Variants in KMT5C observed in about 807,000 individuals in gnomAD.
The protein encoded by KMT5C is histone-lysine N-methyltransferase KMT5C.
A neutral mutation model predicts 38.2 loss-of-function variants in KMT5C; 16 were observed. The observed-to-expected ratio is 0.42, with a 90% CI of 0.28 to 0.64. The LOEUF is 0.64. KMT5C is among the 30% of genes least tolerant of loss of function. KMT5C has a pLI of 0.23. For missense variants in KMT5C, 598 were observed against 665.1 expected, an observed-to-expected ratio of 0.90 and a Z score of 1.11; for synonymous variants, 291 against 279.0, an observed-to-expected ratio of 1.04 and a Z score of -0.43.
In KMT5C at chr19:55,346,296, C is replaced by T. The variant is rs1256472910; in HGVS notation, c.654C>T (p.Gly218=). The T allele has an allele frequency of 3.7e-6, 6 of 1,614,048 alleles. No homozygotes were observed. The highest frequency in any genetic ancestry group is 3.3e-5 in the South Asian group (3 of 91,084). ...GGGACGAGGTGACATGCTTCTACGG[C>T]GAGGGCTTCTTCGGCGAGAAGAATG... is the stretch of plus-strand genomic sequence containing the variant. ...EPGDEVTCFY[G]EGFFGEKNEH... The change falls in exon 7 of 9, where the codon GGC becomes GGT. Residue 218 remains glycine (G), a synonymous_variant. Transcript: ENST00000255613.
Position 55,346,990 on chromosome 19 carries a change from C to T in KMT5C, c.930C>T (p.Ser310=), listed in dbSNP as rs146887504. 632 of 1,204,892 alleles carry T rather than the reference C, an allele frequency of 5.2e-4. No individual in the cohort carries two copies. In the African/African-American group the frequency reaches 8.2e-3, roughly 16 times the overall value. 74.6% of individuals were successfully genotyped at this position (1,204,892 alleles called of 1,614,324 possible). A position where few individuals can be genotyped will look rare whatever the true frequency, so the allele number is the denominator to read the frequency against. The change falls in exon 9 of 9, where the codon AGC becomes AGT. Residue 310 remains serine, a synonymous_variant. Transcript: ENST00000255613. ...ACQPLRLPAC[S]ARPDTSPLWL... ...AGCCCCTGCGCCTGCCAGCCTGCAGCGCCCGCCCAGACACCTCACCCCTCT... is the reference window on the plus strand; with the variant it reads ...AGCCCCTGCGCCTGCCAGCCTGCAGTGCCCGCCCAGACACCTCACCCCTCT...
intron 6 of KMT5C, among the ~76,000 whole-genome samples, chr19:55,345,412 C>T (rs1277195127): frequency 6.6e-6 from 1 of 151,924 alleles, no homozygotes; most frequent in East Asian, 1.9e-4. Flanking sequence ...GGAGGCTTGG[C>T]AGGAAGGGGA....
At chr19:55,342,602 G>A (rs1427350574) in intron 3 of KMT5C, 140 bp from the exon 4 acceptor site, 2 of 648,722 alleles carry the variant, frequency 3.1e-6, no homozygotes, top group Non-Finnish European at 5.5e-6. Flanking sequence ...GACGGATGAG[G>A]AAACTGAGGC....
chr19:55,343,250 G>A lies in KMT5C; in HGVS notation c.386+399G>A. ...CAGACAAGTCAACATGCAGTCACTG[G>A]TCCCAGCTGGTACATGCTGCAGGGG... On this transcript the variant is annotated intron_variant, in intron 4 of 8. Transcript: ENST00000255613. This position sits in a 1 kb window ranked among gnomAD's most constrained non-coding sequence, Gnocchi z 5.5. The A allele has an allele frequency of 3.2e-6, 1 of 309,420 alleles. No homozygotes were observed. 19.2% of individuals were successfully genotyped at this position (309,420 alleles called of 1,614,324 possible). A position where few individuals can be genotyped will look rare whatever the true frequency, so the allele number is the denominator to read the frequency against.
At position 55,347,072 on chromosome 19, in the gene KMT5C, C is replaced by T; in HGVS notation, c.1012C>T (p.Pro338Ser). ...PRVRPRKRRR[P>S]RPRRAPVLST... ...AGTGCGGCCCCGGAAGCGCCGACGCCCCCGGCCCCGGAGGGCCCCAGTGCT... is the reference window on the plus strand; with the variant it reads ...AGTGCGGCCCCGGAAGCGCCGACGCTCCCGGCCCCGGAGGGCCCCAGTGCT... The change falls in exon 9 of 9, where the codon CCC becomes TCC. Residue 338 changes from proline to serine, a missense_variant. Coordinates refer to ENST00000255613, the MANE Select transcript of KMT5C (RefSeq NM_032701.4). This position sits in a 1 kb window ranked among gnomAD's most constrained non-coding sequence, Gnocchi z 4.6. 7.0e-6 allele frequency: 11 copies of T among 1,575,976 alleles called. No individual in the cohort carries two copies. Among genetic ancestry groups the T allele is most frequent in the Non-Finnish European group, 9.4e-6 (11 of 1,167,780 alleles).
rs2089625964 is a variant in KMT5C at position 55,346,935 on chromosome 19, C to T, written c.896-21C>T. 3 of 859,416 alleles carry T rather than the reference C, an allele frequency of 3.5e-6. No individual in the cohort carries two copies. The Admixed American group carries it at 5.5e-5, about 16-fold the overall frequency. The allele number at this position is 859,416 out of a possible 1,614,324, so 53.2% of individuals were successfully genotyped here. A position where few individuals can be genotyped will look rare whatever the true frequency, so the allele number is the denominator to read the frequency against. On this transcript the variant is annotated intron_variant, in intron 8 of 8. Coordinates refer to ENST00000255613, the MANE Select transcript of KMT5C (RefSeq NM_032701.4). ...CACCTCTCCTTTGTTCCTCCTCTCCCTGCCACCTGGGCCTTCACAGCCGCC... is the reference window on the plus strand; with the variant it reads ...CACCTCTCCTTTGTTCCTCCTCTCCTTGCCACCTGGGCCTTCACAGCCGCC...
rs2089643275 is a variant in KMT5C, at chr19:55,348,117, C to T, written c.*668C>T. ...TATTTTATTAAAACCTTGTTATAAG[C>T]AGCACCCTTGGCGGTTTTTTGTTTT... On this transcript the variant is annotated 3_prime_UTR_variant, in exon 9 of 9. Coordinates refer to ENST00000255613, the MANE Select transcript of KMT5C (RefSeq NM_032701.4). 6.5e-6 allele frequency: 1 copy of T among 152,698 alleles called. No individual in the cohort carries two copies. Among genetic ancestry groups the T allele is most frequent in the Non-Finnish European group, 1.5e-5 (1 of 68,072 alleles). 9.5% of individuals were successfully genotyped at this position (152,698 alleles called of 1,614,324 possible).
In KMT5C at chr19:55,342,367, C is replaced by A. The variant is rs1409585528; in HGVS notation, c.263C>A (p.Ala88Asp). ...AGCCGGGGCCCGCGGCAGGAGGCTG[C>A]CCTCAAGACCCACGTGAGGGCGCCC... Reference protein sequence around the residue: ...FQSRGPRQEAALKTHVYRYLR... With the variant: ...FQSRGPRQEADLKTHVYRYLR... The change falls in exon 3 of 9, where the codon GCC becomes GAC. Residue 88 changes from alanine to aspartate, a missense_variant. Physicochemically the swap from Ala to Asp is moderately radical, Grantham distance 126. This residue lies in a region of KMT5C where 167 missense variants were observed against 187.8 expected (regional missense o/e 0.89). Transcript: ENST00000255613. 1 of 1,526,200 alleles carries A rather than the reference C, an allele frequency of 6.6e-7. No homozygotes were observed. Among genetic ancestry groups the A allele is most frequent in the Non-Finnish European group, 8.8e-7 (1 of 1,137,384 alleles). 94.5% of individuals were successfully genotyped at this position (1,526,200 alleles called of 1,614,324 possible).
At chr19:55,342,913 G>A in intron 4 of KMT5C, 62 bp downstream of exon 4, 13 of 1,056,712 alleles carry the variant, frequency 1.2e-5, no homozygotes, top group Non-Finnish European at 1.8e-5. Context: ...GGGGACAAGA[G>A]AGACCCTCTG....
At position 55,343,517 on chromosome 19, in the gene KMT5C, C is replaced by T; in HGVS notation, c.387-163C>T. ...GCTGGAGCAGGGAAGCCCACCCAGG[C>T]AGGAGGGGAAGAGGGAGATCTGGAA... On this transcript the variant is annotated intron_variant, in intron 4 of 8. Transcript: ENST00000255613. This position sits in a 1 kb window ranked among gnomAD's most constrained non-coding sequence, Gnocchi z 5.5. The T allele has an allele frequency of 8.8e-6, 6 of 685,014 alleles. No individual in the cohort carries two copies. The South Asian group carries it at 1.1e-4, about 13-fold the overall frequency. The allele number at this position is 685,014 out of a possible 1,614,324, so 42.4% of individuals were successfully genotyped here. A position where few individuals can be genotyped will look rare whatever the true frequency, so the allele number is the denominator to read the frequency against.
chr19:55,343,604 C>G lies in KMT5C; in HGVS notation c.387-76C>G. 1.4e-6 allele frequency: 2 copies of G among 1,453,430 alleles called. No homozygotes were observed. Among genetic ancestry groups the G allele is most frequent in the East Asian group, 5.0e-5 (2 of 40,144 alleles). 90.0% of individuals were successfully genotyped at this position (1,453,430 alleles called of 1,614,324 possible). A position where few individuals can be genotyped will look rare whatever the true frequency, so the allele number is the denominator to read the frequency against. ...TCCCTCCTTCCTGGGTGCCTCTGTGCCGGAGGCCCGAGTCCCCTGAACACC... is the reference window on the plus strand; with the variant it reads ...TCCCTCCTTCCTGGGTGCCTCTGTGGCGGAGGCCCGAGTCCCCTGAACACC... On this transcript the variant is annotated intron_variant, in intron 4 of 8. Transcript: ENST00000255613. The surrounding 1 kb of genome is among the most constrained non-coding windows in gnomAD (Gnocchi z 5.5).
chr19:55,342,717 T>G, intron 3 of KMT5C, 25 bp from the exon 4 acceptor site: 1 of 1,218,514 alleles, frequency 8.2e-7, no homozygotes, highest in Non-Finnish European at 1.2e-6. Context: ...CCCCGCCTCC[T>G]CACCCCCACC....
chr19:55,342,158 G>T, intron 2 of KMT5C, 57 bp from the exon 3 acceptor site: 1 of 1,593,326 alleles, frequency 6.3e-7, no homozygotes, highest in South Asian at 1.1e-5. Context: ...GCTCCAAGTG[G>T]GGGTTGGGGC....
intron 6 of KMT5C, chr19:55,344,540 G>C (rs2089595866): frequency 2.7e-6 from 1 of 372,968 alleles, no homozygotes; most frequent in Non-Finnish European, 5.5e-6. Flanking sequence ...GTTGCCAGCT[G>C]CTGGCCATCT....
chr19:55,342,174 C>A (rs755117043), intron 2 of KMT5C, 41 bp from the exon 3 acceptor site: 10 of 1,598,282 alleles, frequency 6.3e-6, no homozygotes, highest in Non-Finnish European at 8.5e-6. Context: ...GGGGCCGGGG[C>A]CCGGGAAGGC....
At position 55,347,652 on chromosome 19, in the gene KMT5C, C is replaced by G. The variant is rs1054239710; in HGVS notation, c.*203C>G. 2 of 821,244 alleles carry G rather than the reference C, an allele frequency of 2.4e-6. No individual in the cohort carries two copies. The highest frequency in any genetic ancestry group is 3.5e-6 in the Non-Finnish European group (2 of 576,476). The allele number at this position is 821,244 out of a possible 1,614,324, so 50.9% of individuals were successfully genotyped here. ...TGACTGCTGACCCCTGAGCCACCCCCACTCCCACAGGGAGCCCCGGCCATT... is the reference window on the plus strand; with the variant it reads ...TGACTGCTGACCCCTGAGCCACCCCGACTCCCACAGGGAGCCCCGGCCATT... On this transcript the variant is annotated 3_prime_UTR_variant, in exon 9 of 9. Coordinates refer to ENST00000255613, the MANE Select transcript of KMT5C (RefSeq NM_032701.4). The surrounding 1 kb of genome is among the most constrained non-coding windows in gnomAD (Gnocchi z 4.6).
chr19:55,342,410 ACCGCGTGTCCTCC>A, intron 3 of KMT5C, 30 bp downstream of exon 3: 1 of 1,433,226 alleles, frequency 7.0e-7, no homozygotes, highest in Non-Finnish European at 9.2e-7. Flanking sequence ...CCCCGCCCTC[ACCGCGTGTCCTCC>A]CCGCTCACCG....
chr19:55,347,275 C>T lies in KMT5C; in HGVS notation c.1215C>T (p.Asp405=). 1 of 1,557,694 alleles carries T rather than the reference C, an allele frequency of 6.4e-7. No individual in the cohort carries two copies. Among genetic ancestry groups the T allele is most frequent in the Non-Finnish European group, 8.7e-7 (1 of 1,154,262 alleles). ...RYGLPYVVRV[D]LRRLAPAPPA... ...GGCTGCCTTACGTGGTGCGTGTGGA[C>T]CTTCGTCGCCTGGCCCCAGCCCCAC... Residue 405 remains aspartate, a synonymous_variant, in exon 9 of 9, where the codon GAC becomes GAT. Coordinates refer to ENST00000255613, the MANE Select transcript of KMT5C (RefSeq NM_032701.4). This position sits in a 1 kb window ranked among gnomAD's most constrained non-coding sequence, Gnocchi z 4.6.
chr19:55,343,355 C>A lies in KMT5C; in HGVS notation c.387-325C>A. 1 of 386,922 alleles carries A rather than the reference C, an allele frequency of 2.6e-6. No homozygotes were observed. The highest frequency in any genetic ancestry group is 4.8e-6 in the Non-Finnish European group (1 of 208,026). 24.0% of individuals were successfully genotyped at this position (386,922 alleles called of 1,614,324 possible). Reference sequence around the variant, plus strand: ...GCACCCGCCTGAGGGTCTGGTGGGGCGAGTAGGGGGTAGTCCAGGCAGGAG... The same window carrying A: ...GCACCCGCCTGAGGGTCTGGTGGGGAGAGTAGGGGGTAGTCCAGGCAGGAG... On this transcript the variant is annotated intron_variant, in intron 4 of 8. Transcript: ENST00000255613. The surrounding 1 kb of genome is among the most constrained non-coding windows in gnomAD (Gnocchi z 5.5).
Sources: gnomAD v4.1 joint callset for allele counts (sites outside exome capture counted in the v4.1 genomes callset) on GRCh38, gnomAD v4.1.1 for gene constraint, gnomAD v4.1.1 regional missense constraint, Gnocchi (gnomAD v3.1) non-coding constraint, MANE v1.5 for transcripts, NCBI Gene and HGNC (gene_info 2026-07-23, HGNC 2026-07-21) for gene names.